Variants in TESMIN observed in about 807,000 individuals in gnomAD.
TESMIN encodes the protein CXC domain containing 2.
TESMIN carries 34 observed loss-of-function variants against 47.4 expected under a neutral mutation model. That is an observed-to-expected ratio of 0.72 (90% CI 0.55 to 0.96). The LOEUF (loss-of-function observed/expected upper bound fraction) is 0.96, where lower values mean the gene tolerates loss of function less well. Ranked by LOEUF, TESMIN falls within the 40% of genes least tolerant of loss-of-function variation. The probability of loss-of-function intolerance (pLI) is 0.00; values close to 1 mark genes in which losing one functional copy is unlikely to be tolerated. For missense variants in TESMIN, 610 were observed against 637.2 expected, an observed-to-expected ratio of 0.96 and a Z score of 0.46; for synonymous variants, 278 against 258.9, an observed-to-expected ratio of 1.07 and a Z score of -0.71.
intron 6 of TESMIN, 47 bp from the exon 7 acceptor site, chr11:68,715,986 G>A (rs1270274073): frequency 3.1e-6 from 4 of 1,288,690 alleles, no homozygotes; most frequent in Non-Finnish European, 4.5e-6. Flanking sequence ...ACGGCACAGT[G>A]AGTAGTGAAA....
intron 6 of TESMIN, among the ~76,000 whole-genome samples, chr11:68,719,934 C>A (rs1313818482): frequency 6.6e-6 from 1 of 152,092 alleles, no homozygotes; most frequent in Admixed American, 6.5e-5. Flanking sequence ...TTTTCCGGAA[C>A]TGATGATAAC....
chr11:68,714,294 A>C (rs1433474291), intron 7 of TESMIN, among the ~76,000 whole-genome samples: 1 of 152,218 alleles, frequency 6.6e-6, no homozygotes, highest in Non-Finnish European at 1.5e-5. Flanking sequence ...ATTTTCACGG[A>C]TCACTGAAGT....
chr11:68,742,636 G>C (rs1228616175), intron 4 of TESMIN, among the ~76,000 whole-genome samples: 2 of 151,966 alleles, frequency 1.3e-5, no homozygotes, highest in Admixed American at 6.6e-5. Flanking sequence ...GAGCTTCCAG[G>C]GTTGCTCTAC....
At chr11:68,713,226 T>C in intron 8 of TESMIN, 44 bp downstream of exon 8, 1 of 1,569,358 alleles carries the variant, frequency 6.4e-7, no homozygotes, top group African/African-American at 1.4e-5. Flanking sequence ...CTCAACATAT[T>C]TACCTGTGTT....
intron 6 of TESMIN, among the ~76,000 whole-genome samples, chr11:68,730,175 G>A (rs1946310527): frequency 6.6e-6 from 1 of 152,270 alleles, no homozygotes; most frequent in Non-Finnish European, 1.5e-5. Flanking sequence ...CACACTGATT[G>A]TACTACAGCA....
intron 5 of TESMIN, among the ~76,000 whole-genome samples, chr11:68,741,779 G>A (rs114339192): frequency 0.012 from 1,873 of 152,308 alleles, 39 homozygotes; most frequent in African/African-American, 0.043. Flanking sequence ...AAGCCAGTGA[G>A]AGTGCCATGC....
At chr11:68,737,060 C>T (rs1473173078) in intron 6 of TESMIN, 2 of 985,244 alleles carry the variant, frequency 2.0e-6, no homozygotes, top group African/African-American at 3.5e-5. Flanking sequence ...CAGATGCCCC[C>T]AGATTACAAG....
rs1282728527 is a variant in TESMIN at position 68,750,379 on chromosome 11, G to A, written c.282C>T (p.Leu94=). Residue 94 remains leucine, a synonymous_variant, in exon 2 of 10, where the codon CTC becomes CTT. Transcript: ENST00000255087. ...AGGDSDGGEL[L]GEYPGIPELS... Reference sequence around the variant, plus strand: ...GCTCTGGGATCCCGGGGTACTCCCCGAGGAGCTCCCCGCCGTCGCTGTCGC... The same window carrying A: ...GCTCTGGGATCCCGGGGTACTCCCCAAGGAGCTCCCCGCCGTCGCTGTCGC... The A allele has an allele frequency of 7.9e-6, 12 of 1,513,214 alleles. No individual in the cohort carries two copies. Among genetic ancestry groups the A allele is most frequent in the African/African-American group, 1.4e-5 (1 of 71,202 alleles). The allele number at this position is 1,513,214 out of a possible 1,614,324, so 93.7% of individuals were successfully genotyped here. A position where few individuals can be genotyped will look rare whatever the true frequency, so the allele number is the denominator to read the frequency against.
At chr11:68,740,184 C>A (rs184234795) in intron 5 of TESMIN, among the ~76,000 whole-genome samples, 13 of 152,004 alleles carry the variant, frequency 8.6e-5, no homozygotes, top group African/African-American at 3.1e-4. Context: ...GGTCTGAATC[C>A]CAGGTTTGGG....
chr11:68,747,705 A>G (rs1215379785), intron 2 of TESMIN, among the ~76,000 whole-genome samples: 1 of 152,142 alleles, frequency 6.6e-6, no homozygotes, highest in East Asian at 1.9e-4. Context: ...TTTTAATATT[A>G]TTTATGATGT....
In TESMIN at chr11:68,708,231, A is replaced by G. The variant is rs983775311; in HGVS notation, c.*77T>C. The G allele has an allele frequency of 8.6e-6, 12 of 1,403,464 alleles. No homozygotes were observed. Among genetic ancestry groups the G allele is most frequent in the Non-Finnish European group, 1.2e-5 (12 of 1,029,074 alleles). The allele number at this position is 1,403,464 out of a possible 1,614,324, so 86.9% of individuals were successfully genotyped here. A position where few individuals can be genotyped will look rare whatever the true frequency, so the allele number is the denominator to read the frequency against. Reference sequence around the variant, plus strand: ...TGGTTGTTGCTGCAGAGCCAGCCTCATGTTCCCCTAAACATCCTTTCTAAA... The same window carrying G: ...TGGTTGTTGCTGCAGAGCCAGCCTCGTGTTCCCCTAAACATCCTTTCTAAA... On this transcript the variant is annotated 3_prime_UTR_variant, in exon 10 of 10. Coordinates refer to ENST00000255087, the MANE Select transcript of TESMIN (RefSeq NM_004923.3).
chr11:68,737,629 T>G (rs1946402205), intron 6 of TESMIN: 1 of 985,536 alleles, frequency 1.0e-6, no homozygotes, highest in African/African-American at 1.7e-5. Context: ...CCCAAAGAAC[T>G]CCTGCAGGCA....
At chr11:68,725,035 G>A (rs918182936) in intron 6 of TESMIN, among the ~76,000 whole-genome samples, 4 of 152,160 alleles carry the variant, frequency 2.6e-5, no homozygotes, top group South Asian at 4.1e-4. Flanking sequence ...AAGGTATCAC[G>A]GTCCAATATC....
intron 6 of TESMIN, among the ~76,000 whole-genome samples, chr11:68,725,588 A>T (rs1219551072): frequency 1.3e-5 from 2 of 152,032 alleles, no homozygotes; most frequent in Admixed American, 1.3e-4. Flanking sequence ...AGGCATATTG[A>T]ATCATGAAAT....
intron 2 of TESMIN, among the ~76,000 whole-genome samples, chr11:68,748,858 C>G (rs888827978): frequency 1.3e-5 from 2 of 152,162 alleles, no homozygotes; most frequent in African/African-American, 4.8e-5. Flanking sequence ...TTTTTTAAGA[C>G]AGGGTCTCAC....
chr11:68,716,014 TA>T, intron 6 of TESMIN, 75 bp from the exon 7 acceptor site: 1 of 982,106 alleles, frequency 1.0e-6, no homozygotes. Context: ...CACACACGTG[TA>T]AGGAAAGAGC....
At chr11:68,706,244 G>A (rs1213331043), downstream of TESMIN, among the ~76,000 whole-genome samples, 1 of 152,126 alleles carries the variant, frequency 6.6e-6, no homozygotes, top group Non-Finnish European at 1.5e-5. Context: ...CTTCTCAGAC[G>A]GGATTCCCTG....
intron 3 of TESMIN, among the ~76,000 whole-genome samples, chr11:68,745,461 TC>T (rs1457961306): frequency 6.6e-6 from 1 of 152,140 alleles, no homozygotes; most frequent in Admixed American, 6.5e-5. Context: ...CTGTCCTCAC[TC>T]CACCATTGAC....
intron 1 of TESMIN, among the ~76,000 whole-genome samples, 194 bp downstream of exon 1, chr11:68,751,226 G>A: frequency 6.9e-6 from 1 of 144,948 alleles, no homozygotes; most frequent in African/African-American, 2.6e-5. Flanking sequence ...GGCCGAGGAG[G>A]GGGTCAGGTG....
Sources: gnomAD v4.1 joint callset for allele counts (sites outside exome capture counted in the v4.1 genomes callset) on GRCh38, gnomAD v4.1.1 for gene constraint, MANE v1.5 for transcripts, NCBI Gene and HGNC (gene_info 2026-07-23, HGNC 2026-07-21) for gene names.